The following SEMA6D variants were observed in gnomAD, a reference collection of about 807,000 sequenced individuals.
SEMA6D encodes the protein semaphorin 6D.
SEMA6D carries 35 observed loss-of-function variants against 106.6 expected under a neutral mutation model. That is an observed-to-expected ratio of 0.33 (90% CI 0.25 to 0.44). The LOEUF is 0.44. Among genes scored for constraint, SEMA6D ranks in the 20% least tolerant of loss-of-function variants. SEMA6D has a pLI of 1.00. For missense variants in SEMA6D, 1,185 were observed against 1,345.9 expected, an observed-to-expected ratio of 0.88 and a Z score of 1.87; for synonymous variants, 499 against 487.7, an observed-to-expected ratio of 1.02 and a Z score of -0.31.
At chr15:47,568,316 T>TACAG (rs1490572819) in intron 3 of SEMA6D, among the ~76,000 whole-genome samples, 1 of 152,160 alleles carries the variant, frequency 6.6e-6, no homozygotes, top group African/African-American at 2.4e-5. Context: ...TATAATAGTA[T>TACAG]ACAGTCATAA....
chr15:47,715,767 T>G (rs1314456295), upstream of SEMA6D, among the ~76,000 whole-genome samples: 2 of 152,186 alleles, frequency 1.3e-5, no homozygotes, highest in Middle Eastern at 3.2e-3. Context: ...AATTTAGGAA[T>G]CTCCAGAATT....
chr15:47,326,268 T>C (rs1007903734), intron 1 of SEMA6D, among the ~76,000 whole-genome samples: 2 of 152,354 alleles, frequency 1.3e-5, no homozygotes, highest in East Asian at 3.9e-4. Context: ...AGAAATGTTA[T>C]AATAAATGCT....
intron 3 of SEMA6D, among the ~76,000 whole-genome samples, chr15:47,568,190 AT>A (rs1222056416): frequency 7.5e-3 from 171 of 22,848 alleles, no homozygotes; most frequent in African/African-American, 0.021. Flanking sequence ...TGATTTTGCC[AT>A]TTAAAAAAAA....
chr15:47,726,826 A>G lies in SEMA6D; in HGVS notation c.-55+9134A>G, dbSNP rs560418031. Among the ~76,000 whole-genome samples, 3 of 152,332 alleles carry G rather than the reference A, an allele frequency of 2.0e-5. No homozygotes were observed. The South Asian group carries it at 6.2e-4, about 32-fold the overall frequency. ...CAGAGCCTATGCTTTTAGCCCTTGT[A>G]CTGTGCTGTCTTTTCACATGTGATT... On this transcript the variant is annotated intron_variant, in intron 1 of 18. Coordinates refer to ENST00000536845, the MANE Select transcript of SEMA6D (RefSeq NM_001358351.3).
chr15:47,577,234 T>C (rs771785072), intron 3 of SEMA6D, among the ~76,000 whole-genome samples: 4 of 152,228 alleles, frequency 2.6e-5, no homozygotes, highest in Non-Finnish European at 5.9e-5. Context: ...ATTTTGACTT[T>C]AACAGCAAGG....
At chr15:47,244,710 T>G (rs1881080493) in intron 1 of SEMA6D, among the ~76,000 whole-genome samples, 1 of 152,164 alleles carries the variant, frequency 6.6e-6, no homozygotes, top group African/African-American at 2.4e-5. Flanking sequence ...TCAACTTTTA[T>G]TTTAGATTCA....
intron 2 of SEMA6D, among the ~76,000 whole-genome samples, chr15:47,442,698 ATT>A (rs1408394728): frequency 6.6e-6 from 1 of 152,052 alleles, no homozygotes; most frequent in Non-Finnish European, 1.5e-5. Context: ...TATTACTGTT[ATT>A]TGCTCAGATC....
At position 47,768,690 on chromosome 15, in the gene SEMA6D, A is replaced by G. The variant is rs1256509843; in HGVS notation, c.1875A>G (p.Val625=). Residue 625 remains valine (V), a synonymous_variant, in exon 18 of 19, where the codon GTA becomes GTG. Coordinates refer to ENST00000536845, the MANE Select transcript of SEMA6D (RefSeq NM_001358351.3). ...AACTGACAAGCTCTCGGAAATTTGTAGTTCAAGATGATCCAAACACTTCTG... is the reference window on the plus strand; with the variant it reads ...AACTGACAAGCTCTCGGAAATTTGTGGTTCAAGATGATCCAAACACTTCTG... The part of the protein sequence containing the change: ...RPKLTSSRKF[V]VQDDPNTSDF... 2.5e-6 allele frequency: 4 copies of G among 1,613,694 alleles called. No individual in the cohort carries two copies. The highest frequency in any genetic ancestry group is 3.4e-6 in the Non-Finnish European group (4 of 1,179,676).
At chr15:47,489,411 C>CTTA (rs1293293222) in intron 3 of SEMA6D, among the ~76,000 whole-genome samples, 1 of 152,182 alleles carries the variant, frequency 6.6e-6, no homozygotes, top group Non-Finnish European at 1.5e-5. Flanking sequence ...CCTTTTCTTT[C>CTTA]TTATTCACTC....
chr15:47,599,381 T>G (rs2076599081), intron 3 of SEMA6D, among the ~76,000 whole-genome samples: 1 of 151,870 alleles, frequency 6.6e-6, no homozygotes, highest in South Asian at 2.1e-4. Context: ...CAGAAAGTAG[T>G]TTTACCAACA....
At chr15:47,638,520 T>C (rs2144673827) in intron 4 of SEMA6D, among the ~76,000 whole-genome samples, 1 of 152,332 alleles carries the variant, frequency 6.6e-6, no homozygotes, top group South Asian at 2.1e-4. Context: ...ATGATTTTTT[T>C]CTCTTGAACA....
chr15:47,455,244 A>G (rs1355063921), intron 2 of SEMA6D, among the ~76,000 whole-genome samples: 4 of 151,890 alleles, frequency 2.6e-5, no homozygotes, highest in African/African-American at 4.8e-5. Flanking sequence ...AAAATTTAGC[A>G]GATTTCCTTC....
intron 1 of SEMA6D, among the ~76,000 whole-genome samples, chr15:47,286,099 A>T (rs2035349261): frequency 6.6e-6 from 1 of 152,048 alleles, no homozygotes; most frequent in Non-Finnish European, 1.5e-5. Context: ...GAACTTTAGG[A>T]CTCTGGGTTG....
At chr15:47,658,677 A>T (rs1015346833) in intron 4 of SEMA6D, among the ~76,000 whole-genome samples, 1 of 152,216 alleles carries the variant, frequency 6.6e-6, no homozygotes, top group African/African-American at 2.4e-5. Context: ...AGTGTCTGTT[A>T]TGATATCTTA....
chr15:47,524,058 T>G (rs16959654), intron 3 of SEMA6D, among the ~76,000 whole-genome samples: 4,221 of 152,280 alleles, frequency 0.028, 175 homozygotes, highest in African/African-American at 0.098. Context: ...GGACGTGGGA[T>G]AGATATAAAT....
intron 4 of SEMA6D, among the ~76,000 whole-genome samples, chr15:47,631,689 A>C (rs1417694830): frequency 6.6e-6 from 1 of 151,966 alleles, no homozygotes; most frequent in African/African-American, 2.4e-5. Context: ...TCAAGGAAAT[A>C]GGTCTTTCCC....
At chr15:47,715,599 T>C (rs951840852), upstream of SEMA6D, among the ~76,000 whole-genome samples, 1 of 152,202 alleles carries the variant, frequency 6.6e-6, no homozygotes, top group African/African-American at 2.4e-5. Context: ...TAATGTAGAC[T>C]GAAAACACGG....
intron 2 of SEMA6D, among the ~76,000 whole-genome samples, chr15:47,440,014 C>T (rs770707098): frequency 9.2e-5 from 14 of 152,016 alleles, no homozygotes; most frequent in Admixed American, 2.6e-4. Context: ...AGGTTGAGTT[C>T]GGAAGGTTAC....
chr15:47,418,612 C>T (rs1323098845), intron 2 of SEMA6D, among the ~76,000 whole-genome samples: 2 of 152,030 alleles, frequency 1.3e-5, no homozygotes, highest in Non-Finnish European at 2.9e-5. Flanking sequence ...CTCTTGATAC[C>T]ATCACCTAAA....
Sources: gnomAD v4.1 joint callset for allele counts (sites outside exome capture counted in the v4.1 genomes callset) on GRCh38, gnomAD v4.1.1 for gene constraint, MANE v1.5 for transcripts, NCBI Gene and HGNC (gene_info 2026-07-23, HGNC 2026-07-21) for gene names.